SCRG1: variants seen among roughly 807,000 people sequenced by gnomAD.
The protein encoded by SCRG1 is stimulator of chondrogenesis 1.
A neutral mutation model predicts 7.7 loss-of-function variants in SCRG1; 3 were observed. The ratio of observed to expected loss-of-function variants is 0.39; its 90% CI spans 0.18 to 1.01. The LOEUF (loss-of-function observed/expected upper bound fraction) is 1.01, where lower values mean the gene tolerates loss of function less well. Among genes scored for constraint, SCRG1 ranks in the 50% least tolerant of loss-of-function variants. The pLI is 0.36. For missense variants in SCRG1, 110 were observed against 117.2 expected, an observed-to-expected ratio of 0.94 and a Z score of 0.28; for synonymous variants, 46 against 41.2, an observed-to-expected ratio of 1.12 and a Z score of -0.44.
At chr4:173,397,375 A>G (rs1739636535) in intron 1 of SCRG1, among the ~76,000 whole-genome samples, 2 of 152,180 alleles carry the variant, frequency 1.3e-5, no homozygotes, top group African/African-American at 4.8e-5. Flanking sequence ...TCCCTCCTGG[A>G]ATACACCCAA....
chr4:173,480,762 T>C, the SCRG1 span, among the ~76,000 whole-genome samples: 1 of 152,164 alleles, frequency 6.6e-6, no homozygotes, highest in Non-Finnish European at 1.5e-5. Context: ...AAAGGTGTCC[T>C]CATTTTTTTT....
the SCRG1 span, among the ~76,000 whole-genome samples, chr4:173,500,542 C>T: frequency 3.9e-5 from 6 of 152,014 alleles, no homozygotes; most frequent in African/African-American, 1.4e-4. Flanking sequence ...TGCAGTGGCG[C>T]GATCAAGGCT....
intron 1 of SCRG1, among the ~76,000 whole-genome samples, chr4:173,404,938 C>A (rs1448023925): frequency 6.6e-6 from 1 of 152,156 alleles, no homozygotes; most frequent in African/African-American, 2.4e-5. Context: ...AGTACAGAGA[C>A]TTCCTATATA....
At chr4:173,502,754 C>T in the SCRG1 span, among the ~76,000 whole-genome samples, 1 of 152,146 alleles carries the variant, frequency 6.6e-6, no homozygotes, top group Non-Finnish European at 1.5e-5. This position sits in a 1 kb window ranked among gnomAD's most constrained non-coding sequence, Gnocchi z 4.6. Context: ...CAGACACCAA[C>T]CTGTCTGTTC....
At chr4:173,488,557 A>G in the SCRG1 span, among the ~76,000 whole-genome samples, 1 of 152,198 alleles carries the variant, frequency 6.6e-6, no homozygotes, top group Non-Finnish European at 1.5e-5. Flanking sequence ...ATCTGGGGAC[A>G]GTCAAAGTTC....
At chr4:173,459,130 G>C in the SCRG1 span, among the ~76,000 whole-genome samples, 1 of 152,200 alleles carries the variant, frequency 6.6e-6, no homozygotes, top group South Asian at 2.1e-4. Context: ...ATTATTGTTA[G>C]ATCTAAAGGG....
At chr4:173,420,284 A>T in the SCRG1 span, 1 of 250,612 alleles carries the variant, frequency 4.0e-6, no homozygotes, top group South Asian at 4.7e-5. Context: ...TGCCTTCTAA[A>T]ATACTCTACA....
chr4:173,422,264 G>A, the SCRG1 span, among the ~76,000 whole-genome samples: 1 of 152,110 alleles, frequency 6.6e-6, no homozygotes, highest in African/African-American at 2.4e-5. Flanking sequence ...TAATAAAGTT[G>A]TGTGCATTTT....
chr4:173,399,392 A>C (rs1324591800), upstream of SCRG1: 1 of 152,246 alleles, frequency 6.6e-6, no homozygotes, highest in South Asian at 2.1e-4. Context: ...TCAGGGAGGC[A>C]GACTCTGGTA....
At chr4:173,474,185 T>C in the SCRG1 span, among the ~76,000 whole-genome samples, 1 of 152,090 alleles carries the variant, frequency 6.6e-6, no homozygotes, top group Admixed American at 6.5e-5. Context: ...AAAAAAAAAG[T>C]TTAAAATTCA....
the SCRG1 span, among the ~76,000 whole-genome samples, chr4:173,439,865 T>C: frequency 6.6e-6 from 1 of 152,308 alleles, no homozygotes; most frequent in South Asian, 2.1e-4. Context: ...TCCTTCTTTG[T>C]TTTGAACAAG....
At chr4:173,465,765 T>C in the SCRG1 span, among the ~76,000 whole-genome samples, 1 of 152,074 alleles carries the variant, frequency 6.6e-6, no homozygotes, top group African/African-American at 2.4e-5. Flanking sequence ...TATTCTTTTT[T>C]CTCCTTCCTC....
the SCRG1 span, among the ~76,000 whole-genome samples, chr4:173,414,486 G>T: frequency 6.6e-6 from 1 of 152,176 alleles, no homozygotes; most frequent in East Asian, 1.9e-4. Context: ...GTGAGTCTTG[G>T]TGAGGCCACA....
At chr4:173,426,634 T>A in the SCRG1 span, among the ~76,000 whole-genome samples, 1 of 152,154 alleles carries the variant, frequency 6.6e-6, no homozygotes, top group Non-Finnish European at 1.5e-5. Flanking sequence ...AGCTAACTTT[T>A]AAAAAATTAG....
At chr4:173,391,060 A>C (rs1739422128) in intron 2 of SCRG1, 113 bp downstream of exon 2, 1 of 1,082,300 alleles carries the variant, frequency 9.2e-7, no homozygotes, top group East Asian at 2.4e-5. Context: ...TGGGATTGGA[A>C]CAGGATTTTA....
At chr4:173,488,087 G>C in the SCRG1 span, among the ~76,000 whole-genome samples, 1 of 148,310 alleles carries the variant, frequency 6.7e-6, no homozygotes, top group Non-Finnish European at 1.5e-5. Context: ...GCTATAGAGT[G>C]AGACTCTGTC....
At chr4:173,507,051 G>C in the SCRG1 span, among the ~76,000 whole-genome samples, 1 of 152,248 alleles carries the variant, frequency 6.6e-6, no homozygotes, top group Non-Finnish European at 1.5e-5. This position sits in a 1 kb window ranked among gnomAD's most constrained non-coding sequence, Gnocchi z 4.4. Context: ...GGCCAGAGGA[G>C]GGGTGGGGGC....
the SCRG1 span, among the ~76,000 whole-genome samples, chr4:173,453,014 G>A: frequency 2.0e-5 from 3 of 152,142 alleles, no homozygotes; most frequent in South Asian, 4.1e-4. Context: ...GGACTCCTGG[G>A]TCACACATAA....
chr4:173,434,334 T>G, the SCRG1 span, among the ~76,000 whole-genome samples: 1 of 152,112 alleles, frequency 6.6e-6, no homozygotes, highest in African/African-American at 2.4e-5. Context: ...ATTTAAGGTG[T>G]TATGTTATTG....
Sources: allele counts gnomAD v4.1 joint callset (sites outside exome capture counted in the v4.1 genomes callset), GRCh38; gene constraint gnomAD v4.1.1; non-coding constraint Gnocchi (gnomAD v3.1); transcripts MANE v1.5; gene names NCBI Gene and HGNC (gene_info 2026-07-23, HGNC 2026-07-21).